Variants in RYR2 observed in about 807,000 individuals in gnomAD.
RYR2 encodes cardiac muscle ryanodine receptor-calcium release channel.
A neutral mutation model predicts 601.1 loss-of-function variants in RYR2; 227 were observed. The observed-to-expected ratio is 0.38, with a 90% confidence interval of 0.34 to 0.42. RYR2 has a LOEUF of 0.42. Ranked by LOEUF, RYR2 falls within the 10% of genes least tolerant of loss-of-function variation. The pLI is 1.00. For missense variants in RYR2, 4,646 were observed against 6,156.5 expected, an observed-to-expected ratio of 0.75 and a Z score of 8.21; for synonymous variants, 2,223 against 2,175.1, an observed-to-expected ratio of 1.02 and a Z score of -0.61.
At chr1:237,316,803 G>C (rs570202877) in intron 2 of RYR2, among the ~76,000 whole-genome samples, 2 of 151,984 alleles carry the variant, frequency 1.3e-5, no homozygotes, top group South Asian at 2.1e-4. Context: ...TCTTTCCTGG[G>C]ACTATTATTA....
Position 237,728,471 on chromosome 1 carries a change from G to C in RYR2, c.10838+1272G>C, listed in dbSNP as rs529925024. ...GGATTATAAATCATTCTACTATAAA[G>C]ACACATGCACATGTATGTTTATTGC... On this transcript the variant is annotated intron_variant, in intron 76 of 104. Coordinates refer to ENST00000366574, the MANE Select transcript of RYR2 (RefSeq NM_001035.3). Among the ~76,000 whole-genome samples, 56 of 152,102 alleles carry C rather than the reference G, an allele frequency of 3.7e-4. No individual in the cohort carries two copies. In the South Asian group the frequency reaches 8.1e-3, roughly 22 times the overall value.
intron 1 of RYR2, among the ~76,000 whole-genome samples, chr1:237,208,936 G>GTGTATATATATA (rs1418847642): frequency 2.2e-5 from 2 of 89,870 alleles, no homozygotes; most frequent in African/African-American, 4.4e-5. Context: ...ATGTGTGTGT[G>GTGTATATATATA]TATATATATA....
Position 237,126,224 on chromosome 1 carries a change from A to G in RYR2, c.48+83655A>G, listed in dbSNP as rs1415290968. 6.2e-5 allele frequency among the ~76,000 whole-genome samples: 9 copies of G among 145,670 alleles called. No individual in the cohort carries two copies. In the Admixed American group the frequency reaches 6.3e-4, roughly 10 times the overall value. Reference sequence around the variant, plus strand: ...TGTACTCCAGCCTTGGCCACAGAGTAAGACTCTGTCTCAAAAAAAAAAAAA... The same window carrying G: ...TGTACTCCAGCCTTGGCCACAGAGTGAGACTCTGTCTCAAAAAAAAAAAAA... On this transcript the variant is annotated intron_variant, in intron 1 of 104. Transcript: ENST00000366574.
In RYR2 at chr1:237,614,263, G is replaced by A. The variant is rs1484043877; in HGVS notation, c.5135G>A (p.Ser1712Asn). 18 of 1,613,930 alleles carry A rather than the reference G, an allele frequency of 1.1e-5. No homozygotes were observed. Among genetic ancestry groups the A allele is most frequent in the Non-Finnish European group, 1.4e-5 (17 of 1,179,912 alleles). ...YYDLLIDIHL[S>N]SYATARLMMN... Reference sequence around the variant, plus strand: ...GACCTGCTGATTGACATCCACCTGAGCTCCTATGCCACTGCCAGGCTCATG... The same window carrying A: ...GACCTGCTGATTGACATCCACCTGAACTCCTATGCCACTGCCAGGCTCATG... Residue 1712 changes from serine (S) to asparagine (N), a missense_variant, in exon 37 of 105, where the codon AGC (serine) becomes AAC (asparagine). Around this residue, in one of 17 missense-constraint regions of RYR2, gnomAD observed 1,807 missense variants for 2,088.1 expected, o/e 0.87. Coordinates refer to ENST00000366574, the MANE Select transcript of RYR2 (RefSeq NM_001035.3). The surrounding 1 kb of genome is among the most constrained non-coding windows in gnomAD (Gnocchi z 4.3).
At chr1:237,380,495 TG>T (rs1246708359) in intron 8 of RYR2, among the ~76,000 whole-genome samples, 2 of 144,762 alleles carry the variant, frequency 1.4e-5, no homozygotes, top group Non-Finnish European at 1.5e-5. Context: ...TTCCTTCATC[TG>T]GAGTCTGGGG....
intron 27 of RYR2, among the ~76,000 whole-genome samples, chr1:237,559,961 G>A (rs1313784151): frequency 6.6e-6 from 1 of 152,174 alleles, no homozygotes; most frequent in Non-Finnish European, 1.5e-5. Context: ...TAAATGCCTA[G>A]GACTGATAAG....
chr1:237,723,390 A>G (rs1464401382), intron 74 of RYR2, 128 bp downstream of exon 74: 14 of 622,898 alleles, frequency 2.2e-5, no homozygotes, highest in Non-Finnish European at 3.2e-5. Context: ...ATTCTAAAGA[A>G]TAAGAGTCCG....
At chr1:237,314,504 C>T (rs565214581) in intron 2 of RYR2, among the ~76,000 whole-genome samples, 10 of 152,282 alleles carry the variant, frequency 6.6e-5, no homozygotes, top group Admixed American at 5.9e-4. Flanking sequence ...TGGTACTAGC[C>T]TTCCAGGTGC....
intron 2 of RYR2, among the ~76,000 whole-genome samples, chr1:237,316,336 GT>G (rs1373659365): frequency 6.6e-6 from 1 of 152,086 alleles, no homozygotes; most frequent in Non-Finnish European, 1.5e-5. Flanking sequence ...ATTTGCAGTA[GT>G]TTCTTAAATT....
At chr1:237,367,188 G>A (rs1173177020) in intron 5 of RYR2, among the ~76,000 whole-genome samples, 1 of 152,050 alleles carries the variant, frequency 6.6e-6, no homozygotes, top group Non-Finnish European at 1.5e-5. Context: ...CTGCCTCCCG[G>A]GTTCAAGCCA....
intron 1 of RYR2, among the ~76,000 whole-genome samples, chr1:237,174,379 T>G (rs139824752): frequency 3.0e-4 from 45 of 152,340 alleles, no homozygotes; most frequent in Non-Finnish European, 3.8e-4. Flanking sequence ...TTACATGACC[T>G]GGTTTCCTGC....
At chr1:237,353,818 A>G (rs1558671481) in intron 3 of RYR2, among the ~76,000 whole-genome samples, 1 of 152,202 alleles carries the variant, frequency 6.6e-6, no homozygotes, top group South Asian at 2.1e-4. Context: ...AAAATTCCAC[A>G]TACTTGATTC....
chr1:237,346,367 C>CAAAAAAAAAAAAAAAAAAAAAAAAAAAA lies in RYR2; in HGVS notation c.274-9581_274-9580insAAAAAAAAAAAAAAAAAAAAAAAAAAAA, dbSNP rs397975831. Among the ~76,000 whole-genome samples, 28 of 62,320 alleles carry CAAAAAAAAAAAAAAAAAAAAAAAAAAAA rather than the reference C, an allele frequency of 4.5e-4. 3 individuals are homozygous for CAAAAAAAAAAAAAAAAAAAAAAAAAAAA. The highest frequency in any genetic ancestry group is 1.6e-3 in the East Asian group (3 of 1,832). The allele number at this position is 62,320 out of a possible 152,430, so 40.9% of individuals were successfully genotyped here. A position where few individuals can be genotyped will look rare whatever the true frequency, so the allele number is the denominator to read the frequency against. ...CTGGGCAAAGTGAGAGGGTCTACCT[C>CAAAAAAAAAAAAAAAAAAAAAAAAAAAA]AAAAAAAAAAAAAAAAAGTGCATAT... On this transcript the variant is annotated intron_variant, in intron 3 of 104. Transcript: ENST00000366574.
In RYR2 at chr1:237,180,824, T is replaced by C. The variant is rs12404779; in HGVS notation, c.49-89673T>C. ...ATAATAATTACTAATTTCAATCATG[T>C]AAATATATATCAATATTAATAAAGT... On this transcript the variant is annotated intron_variant, in intron 1 of 104. Coordinates refer to ENST00000366574, the MANE Select transcript of RYR2 (RefSeq NM_001035.3). The surrounding 1 kb of genome is among the most constrained non-coding windows in gnomAD (Gnocchi z 5.3). 0.016 allele frequency among the ~76,000 whole-genome samples: 2,315 copies of C among 147,934 alleles called. 184 individuals carry two copies. In the East Asian group the frequency reaches 0.26, roughly 16 times the overall value.
At chr1:237,545,747 G>GAAA (rs1291724587) in intron 25 of RYR2, among the ~76,000 whole-genome samples, 1 of 142,686 alleles carries the variant, frequency 7.0e-6, no homozygotes, top group Admixed American at 7.0e-5. Context: ...GCTTTTTCTT[G>GAAA]AAAAATAAAA....
intron 1 of RYR2, among the ~76,000 whole-genome samples, chr1:237,073,380 G>A (rs949668852): frequency 1.3e-5 from 2 of 152,136 alleles, no homozygotes; most frequent in Admixed American, 6.5e-5. Flanking sequence ...AGGGGACCAC[G>A]TAGGAAGTCA....
chr1:237,126,229 T>G (rs1671402202), intron 1 of RYR2, among the ~76,000 whole-genome samples: 1 of 129,382 alleles, frequency 7.7e-6, no homozygotes, highest in Non-Finnish European at 1.7e-5. Context: ...AGAGTAAGAC[T>G]CTGTCTCAAA....
chr1:237,643,927 T>C (rs1033514195), intron 48 of RYR2, among the ~76,000 whole-genome samples: 1 of 152,132 alleles, frequency 6.6e-6, no homozygotes, highest in Non-Finnish European at 1.5e-5. Context: ...TTTCCATTGT[T>C]TTTAAAGCTC....
At chr1:237,495,837 A>G (rs201552031) in intron 19 of RYR2, among the ~76,000 whole-genome samples, 1 of 152,210 alleles carries the variant, frequency 6.6e-6, no homozygotes, top group East Asian at 1.9e-4. Flanking sequence ...CAATAACTCC[A>G]TTAATTCTAA....
Sources: gnomAD v4.1 joint callset for allele counts (sites outside exome capture counted in the v4.1 genomes callset) on GRCh38, gnomAD v4.1.1 for gene constraint, gnomAD v4.1.1 regional missense constraint, Gnocchi (gnomAD v3.1) non-coding constraint, MANE v1.5 for transcripts, NCBI Gene and HGNC (gene_info 2026-07-23, HGNC 2026-07-21) for gene names.